RPLP1: variants seen among roughly 807,000 people sequenced by gnomAD.
The protein encoded by RPLP1 is large ribosomal subunit protein P1.
A neutral mutation model predicts 11.6 loss-of-function variants in RPLP1; 4 were observed. The observed-to-expected ratio is 0.34, with a 90% CI of 0.17 to 0.79. The LOEUF (loss-of-function observed/expected upper bound fraction) is 0.79, where lower values mean the gene tolerates loss of function less well. RPLP1 is among the 30% of genes least tolerant of loss of function. The pLI is 0.55. For missense variants in RPLP1, 133 were observed against 142.8 expected (o/e 0.93, Z 0.35); for synonymous variants, 54 against 52.2 (o/e 1.03, Z -0.15).
chr15:69,455,393 GA>G (rs1567088168), intron 3 of RPLP1, 34 bp from the exon 4 acceptor site: 13 of 1,584,014 alleles, frequency 8.2e-6, no homozygotes, highest in Non-Finnish European at 1.1e-5. Flanking sequence ...ATGAAGTATG[GA>G]AATCCTAACA....
chr15:69,454,800 C>A (rs1308732287), intron 2 of RPLP1: 1 of 157,776 alleles, frequency 6.3e-6, no homozygotes, highest in African/African-American at 2.4e-5. Flanking sequence ...ATGTAATTAT[C>A]AGATTCAAAG....
rs1449323511 is a variant in RPLP1, at chr15:69,453,297, T to G, written c.72+277T>G. ...TTCGTGTAGAAAAGCTCTTCCGCAG[T>G]GCTTGGGCACCCTGACCCGTGCCTC... On this transcript the variant is annotated intron_variant, in intron 1 of 3. Coordinates refer to ENST00000260379, the MANE Select transcript of RPLP1 (RefSeq NM_001003.3). The G allele has an allele frequency of 8.6e-6, 5 of 579,814 alleles. No individual in the cohort carries two copies. The African/African-American group carries it at 9.6e-5, about 11-fold the overall frequency. The allele number at this position is 579,814 out of a possible 1,614,324, so 35.9% of individuals were successfully genotyped here.
intron 2 of RPLP1, chr15:69,454,624 T>C (rs896451050): frequency 2.0e-5 from 3 of 152,200 alleles, no homozygotes. Flanking sequence ...AAGTCCTATA[T>C]TTGTTTAGTA....
rs1013025923 is a variant in RPLP1, at chr15:69,453,360, G to A, written c.73-287G>A. 16 of 580,790 alleles carry A rather than the reference G, an allele frequency of 2.8e-5. No homozygotes were observed. In the Admixed American group the frequency reaches 5.0e-4, roughly 18 times the overall value. 36.0% of individuals were successfully genotyped at this position (580,790 alleles called of 1,614,324 possible). A position where few individuals can be genotyped will look rare whatever the true frequency, so the allele number is the denominator to read the frequency against. ...GACACTTACTCGGACCTCTTTCGGT[G>A]TAATTGCCTTGAATTCCCCCGGTCG... On this transcript the variant is annotated intron_variant, in intron 1 of 3. Coordinates refer to ENST00000260379, the MANE Select transcript of RPLP1 (RefSeq NM_001003.3).
At position 69,455,197 on chromosome 15, in the gene RPLP1, C is replaced by A. The variant is rs1225524045; in HGVS notation, c.175C>A (p.Leu59Ile). ...CCTGGCCAACGTCAACATTGGGAGC[C>A]TCATCTGCAATGTAGGGGCCGGTGG... Reference protein sequence around the residue: ...KALANVNIGSLICNVGAGGPA... With the variant: ...KALANVNIGSIICNVGAGGPA... The change falls in exon 3 of 4, where the codon CTC becomes ATC. Residue 59 changes from leucine (L) to isoleucine (I), a missense_variant. Physicochemically the swap from Leu to Ile is conservative, Grantham distance 5 (BLOSUM62 2). Coordinates refer to ENST00000260379, the MANE Select transcript of RPLP1 (RefSeq NM_001003.3). The A allele has an allele frequency of 2.5e-6, 4 of 1,605,014 alleles. No individual in the cohort carries two copies. In the South Asian group the frequency reaches 4.4e-5, roughly 18 times the overall value.
chr15:69,455,217 C>T lies in RPLP1; in HGVS notation c.195C>T (p.Ala65=), dbSNP rs78395337. 9,199 of 1,607,078 alleles carry T rather than the reference C, an allele frequency of 5.7e-3. 35 individuals are homozygous for T. Among genetic ancestry groups the T allele is most frequent in the Middle Eastern group, 8.6e-3 (47 of 5,484 alleles). Reference sequence around the variant, plus strand: ...GGAGCCTCATCTGCAATGTAGGGGCCGGTGGACCTGCTCCAGCAGCTGGTG... The same window carrying T: ...GGAGCCTCATCTGCAATGTAGGGGCTGGTGGACCTGCTCCAGCAGCTGGTG... ...NIGSLICNVG[A]GGPAPAAGAA... is the part of the protein sequence containing the mutation. The change falls in exon 3 of 4, where the codon GCC becomes GCT. Residue 65 remains alanine, a synonymous_variant. Transcript: ENST00000260379.
rs1892429922 is a variant in RPLP1, at chr15:69,455,955, T to A, written c.*448T>A. On this transcript the variant is annotated 3_prime_UTR_variant, in exon 4 of 4. Coordinates refer to ENST00000260379, the MANE Select transcript of RPLP1 (RefSeq NM_001003.3). Reference sequence around the variant, plus strand: ...TCCCAAGGTTGTAAAAAAACAAGACTTAGCTATGTAATGTCTCACCAAATG... The same window carrying A: ...TCCCAAGGTTGTAAAAAAACAAGACATAGCTATGTAATGTCTCACCAAATG... The A allele has an allele frequency of 6.5e-6, 1 of 154,776 alleles. No homozygotes were observed. Among genetic ancestry groups the A allele is most frequent in the Non-Finnish European group, 1.4e-5 (1 of 69,850 alleles). 9.6% of individuals were successfully genotyped at this position (154,776 alleles called of 1,614,324 possible).
rs1284727953 is a variant in RPLP1, at chr15:69,455,637, C to G, written c.*130C>G. On this transcript the variant is annotated 3_prime_UTR_variant, in exon 4 of 4. Transcript: ENST00000260379. ...GCTTTCAGCCTATTCTGCCATGACA[C>G]AGGCTGGATTTTCCCTGCCACCATT... The G allele has an allele frequency of 1.5e-6, 1 of 688,586 alleles. No individual in the cohort carries two copies. Among genetic ancestry groups the G allele is most frequent in the Non-Finnish European group, 2.4e-6 (1 of 417,990 alleles). 42.7% of individuals were successfully genotyped at this position (688,586 alleles called of 1,614,324 possible). A position where few individuals can be genotyped will look rare whatever the true frequency, so the allele number is the denominator to read the frequency against.
In RPLP1 at chr15:69,452,851, C is replaced by A. The variant is rs1892366617; in HGVS notation, c.-98C>A. ...CTCAGCTGCCGCCAAGGTGCTCGGT[C>A]CTTCCGAGGAAGCTAAGGCTGCGTT... On this transcript the variant is annotated 5_prime_UTR_variant, in exon 1 of 4. Coordinates refer to ENST00000260379, the MANE Select transcript of RPLP1 (RefSeq NM_001003.3). 7.9e-6 allele frequency: 9 copies of A among 1,146,376 alleles called. No individual in the cohort carries two copies. Among genetic ancestry groups the A allele is most frequent in the South Asian group, 1.3e-5 (1 of 75,820 alleles). The allele number at this position is 1,146,376 out of a possible 1,614,324, so 71.0% of individuals were successfully genotyped here. A position where few individuals can be genotyped will look rare whatever the true frequency, so the allele number is the denominator to read the frequency against.
intron 1 of RPLP1, 25 bp from the exon 2 acceptor site, chr15:69,453,622 G>A (rs79526324): frequency 1.9e-6 from 3 of 1,612,730 alleles, no homozygotes; most frequent in African/African-American, 1.3e-5. Flanking sequence ...ACGTTTTGAT[G>A]GATTGACGTT....
chr15:69,452,977 T>A lies in RPLP1; in HGVS notation c.29T>A (p.Ile10Asn). The A allele has an allele frequency of 6.3e-7, 1 of 1,580,110 alleles. No homozygotes were observed. Among genetic ancestry groups the A allele is most frequent in the Non-Finnish European group, 8.6e-7 (1 of 1,165,112 alleles). The change falls in exon 1 of 4, where the codon ATC becomes AAC. Residue 10 changes from isoleucine (I) to asparagine (N), a missense_variant. Ile to Asn is a moderately radical substitution (Grantham distance 149, BLOSUM62 -3). Transcript: ENST00000260379. ...GCCTCTGTCTCCGAGCTCGCCTGCA[T>A]CTACTCGGCCCTCATTCTGCACGAC... MASVSELAC[I>N]YSALILHDDE...
At position 69,452,820 on chromosome 15, in the gene RPLP1, C is replaced by A. The variant is rs779407119; in HGVS notation, c.-129C>A. 9.6e-6 allele frequency: 8 copies of A among 836,356 alleles called. No individual in the cohort carries two copies. The highest frequency in any genetic ancestry group is 1.5e-5 in the Non-Finnish European group (8 of 519,274). The allele number at this position is 836,356 out of a possible 1,614,324, so 51.8% of individuals were successfully genotyped here. A position where few individuals can be genotyped will look rare whatever the true frequency, so the allele number is the denominator to read the frequency against. ...GAGGCTGCGTATAGGCGCGAGAGCC[C>A]CTTTCCTCAGCTGCCGCCAAGGTGC... is the stretch of plus-strand genomic sequence containing the variant. On this transcript the variant is annotated 5_prime_UTR_variant, in exon 1 of 4. Transcript: ENST00000260379.
rs763342456 is a variant in RPLP1 at position 69,452,954 on chromosome 15, C to T, written c.6C>T (p.Ala2=). The change falls in exon 1 of 4, where the codon GCC becomes GCT. Residue 2 remains alanine, a synonymous_variant. Coordinates refer to ENST00000260379, the MANE Select transcript of RPLP1 (RefSeq NM_001003.3). M[A]SVSELACIYS... The stretch of plus-strand genomic sequence containing the variant: ...GCCCTACACTCGCCCGCGCCATGGC[C>T]TCTGTCTCCGAGCTCGCCTGCATCT... 1.4e-5 allele frequency: 22 copies of T among 1,577,676 alleles called. No individual in the cohort carries two copies. The South Asian group carries it at 2.4e-4, about 17-fold the overall frequency.
chr15:69,453,939 C>A (rs1410557215), intron 2 of RPLP1: 6 of 563,458 alleles, frequency 1.1e-5, no homozygotes, highest in Non-Finnish European at 1.6e-5. Context: ...TGCTCTGAAA[C>A]CATGGTTAAA....
At chr15:69,453,832 C>A in intron 2 of RPLP1, 111 bp downstream of exon 2, 1 of 1,069,466 alleles carries the variant, frequency 9.4e-7, no homozygotes, top group Non-Finnish European at 1.4e-6. Flanking sequence ...GCCGCTGGAT[C>A]TCCTAGGTGT....
At chr15:69,454,497 G>A (rs1892404438) in intron 2 of RPLP1, 2 of 152,196 alleles carry the variant, frequency 1.3e-5, no homozygotes, top group African/African-American at 4.8e-5. Flanking sequence ...CATTGTACAG[G>A]TTACTTAATC....
Position 69,455,282 on chromosome 15 carries a change from C to T in RPLP1, c.260C>T (p.Ala87Val). 6.4e-7 allele frequency: 1 copy of T among 1,553,678 alleles called. No homozygotes were observed. Among genetic ancestry groups the T allele is most frequent in the Non-Finnish European group, 8.7e-7 (1 of 1,154,510 alleles). ...AGGPAPSTAA[A>V]PAEEKKVEAK... is the part of the protein sequence containing the mutation. ...GGTCCTGCCCCCTCCACTGCTGCTGCTCCAGGTAGGAAACATGGAGTTTTT... is the reference window on the plus strand; with the variant it reads ...GGTCCTGCCCCCTCCACTGCTGCTGTTCCAGGTAGGAAACATGGAGTTTTT... The change falls in exon 3 of 4, where the codon GCT becomes GTT. Residue 87 changes from alanine (A) to valine (V), a missense_variant. By Grantham distance (64) the Ala-to-Val change is moderately conservative (BLOSUM62 0). Coordinates refer to ENST00000260379, the MANE Select transcript of RPLP1 (RefSeq NM_001003.3).
rs551843151 is a variant in RPLP1, at chr15:69,452,835, C to T, written c.-114C>T. The T allele has an allele frequency of 2.0e-6, 2 of 979,978 alleles. No individual in the cohort carries two copies. Among genetic ancestry groups the T allele is most frequent in the South Asian group, 1.4e-5 (1 of 71,186 alleles). 60.7% of individuals were successfully genotyped at this position (979,978 alleles called of 1,614,324 possible). ...CGCGAGAGCCCCTTTCCTCAGCTGC[C>T]GCCAAGGTGCTCGGTCCTTCCGAGG... On this transcript the variant is annotated 5_prime_UTR_variant, in exon 1 of 4. Coordinates refer to ENST00000260379, the MANE Select transcript of RPLP1 (RefSeq NM_001003.3).
At chr15:69,455,309 G>T (rs2140436540) in intron 3 of RPLP1, 22 bp downstream of exon 3, 1 of 1,544,408 alleles carries the variant, frequency 6.5e-7, no homozygotes, top group East Asian at 2.3e-5. Context: ...GGAGTTTTTA[G>T]TATTGGGAGG....
Sources: gnomAD v4.1 joint callset for allele counts on GRCh38, gnomAD v4.1.1 for gene constraint, MANE v1.5 for transcripts, NCBI Gene and HGNC (gene_info 2026-07-23, HGNC 2026-07-21) for gene names.